DLEC1: variants seen among roughly 807,000 people sequenced by gnomAD.
The protein encoded by DLEC1 is deleted in lung and esophageal cancer protein 1.
In DLEC1, 146 loss-of-function variants were observed where a neutral mutation model predicts 198.1. The ratio of observed to expected loss-of-function variants is 0.74; its 90% CI spans 0.64 to 0.85. DLEC1 has a LOEUF of 0.85. Ranked by LOEUF, DLEC1 falls within the 40% of genes least tolerant of loss-of-function variation. The probability of loss-of-function intolerance (pLI) is 0.00; values close to 1 mark genes in which losing one functional copy is unlikely to be tolerated. For synonymous variants in DLEC1, 897 were observed against 866.8 expected, an observed-to-expected ratio of 1.03 and a Z score of -0.61; for missense variants, 2,233 against 2,220.0, an observed-to-expected ratio of 1.01 and a Z score of -0.12.
chr3:38,098,878 C>T (rs770444134), intron 18 of DLEC1, among the ~76,000 whole-genome samples: 3 of 152,176 alleles, frequency 2.0e-5, no homozygotes, highest in Admixed American at 6.5e-5. Flanking sequence ...TTGCCAACGC[C>T]ATTGCCAAGT....
intron 33 of DLEC1, 60 bp from the exon 34 acceptor site, chr3:38,120,388 T>G: frequency 1.3e-6 from 2 of 1,587,566 alleles, no homozygotes; most frequent in Non-Finnish European, 1.7e-6. Flanking sequence ...GAGCTCCAGG[T>G]GGGGAAGTGG....
chr3:38,098,473 G>C lies in DLEC1; in HGVS notation c.2724+571G>C, dbSNP rs1699146531. Among the ~76,000 whole-genome samples the C allele has an allele frequency of 2.6e-5, 4 of 152,198 alleles. No homozygotes were observed. In the South Asian group the frequency reaches 8.3e-4, roughly 32 times the overall value. On this transcript the variant is annotated intron_variant, in intron 18 of 36. Transcript: ENST00000308059. ...AGTGGGCGATCTGGAACAAGACAAA[G>C]TCACACAAATCACCAGCTACTCGCA... is the stretch of plus-strand genomic sequence containing the variant.
intron 33 of DLEC1, among the ~76,000 whole-genome samples, chr3:38,119,439 C>T (rs572174255): frequency 1.2e-4 from 18 of 152,244 alleles, no homozygotes; most frequent in African/African-American, 3.4e-4. Context: ...CCAAGCCCTG[C>T]GGATGCCCCC....
rs202125600 is a variant in DLEC1, at chr3:38,097,629, G to C, written c.2557G>C (p.Val853Leu). 2.5e-6 allele frequency: 4 copies of C among 1,614,222 alleles called. No homozygotes were observed. Among genetic ancestry groups the C allele is most frequent in the South Asian group, 1.1e-5 (1 of 91,086 alleles). ...GCCAGTGGTGTTACACATTGAGGCT[G>C]TCTTTAAGGTGCTGCAGGTGGAGCT... The part of the protein sequence containing the change: ...PSPVVLHIEA[V>L]FKGPALIINV... Residue 853 changes from valine to leucine, a missense_variant, in exon 17 of 37, where the codon GTC becomes CTC. By Grantham distance (32) the Val-to-Leu change is conservative. Transcript: ENST00000308059.
chr3:38,109,928 C>A, intron 22 of DLEC1, 171 bp from the exon 23 acceptor site: 1 of 763,714 alleles, frequency 1.3e-6, no homozygotes, highest in Non-Finnish European at 2.1e-6. Flanking sequence ...CTCTCAGCAT[C>A]ATGGGTGGGC....
rs1310123131 is a variant in DLEC1, at chr3:38,117,531, A to G, written c.4405A>G (p.Ser1469Gly). The part of the protein sequence containing the change: ...LHSYVRPAQL[S>G]VELDYGGSME... ...ACAATGCCTATTGCTGGGCAGGCTA[A>G]GTGTGGAGCTGGACTACGGCGGCAG... The change falls in exon 32 of 37, where the codon AGT (serine) becomes GGT (glycine). Residue 1469 changes from serine to glycine, a missense_variant. Transcript: ENST00000308059. The G allele has an allele frequency of 1.2e-6, 2 of 1,614,164 alleles. No individual in the cohort carries two copies. The highest frequency in any genetic ancestry group is 1.1e-5 in the South Asian group (1 of 91,088).
At chr3:38,080,275 T>G (rs1337167944) in intron 6 of DLEC1, among the ~76,000 whole-genome samples, 2 of 151,404 alleles carry the variant, frequency 1.3e-5, no homozygotes. Context: ...GATTATAGGG[T>G]GGAGGAGCAG....
Position 38,097,845 on chromosome 3 carries a change from C to G in DLEC1, c.2667C>G (p.Leu889=). The G allele has an allele frequency of 6.2e-7, 1 of 1,614,216 alleles. No homozygotes were observed. Among genetic ancestry groups the G allele is most frequent in the East Asian group, 2.2e-5 (1 of 44,878 alleles). Reference sequence around the variant, plus strand: ...TCCAGATCCGGAACGTCAGCCAGCTCCCAGCCACATGGCGCATGAAGGAGA... The same window carrying G: ...TCCAGATCCGGAACGTCAGCCAGCTGCCAGCCACATGGCGCATGAAGGAGA... ...NSIQIRNVSQ[L]PATWRMKESP... is the part of the protein sequence containing the mutation. Residue 889 remains leucine (L), a synonymous_variant, in exon 18 of 37, where the codon CTC becomes CTG. Coordinates refer to ENST00000308059, the MANE Select transcript of DLEC1 (RefSeq NM_007335.4).
In DLEC1 at chr3:38,089,187, C is replaced by A. The variant is rs148748099; in HGVS notation, c.1665+799C>A. On this transcript the variant is annotated intron_variant, in intron 10 of 36. Coordinates refer to ENST00000308059, the MANE Select transcript of DLEC1 (RefSeq NM_007335.4). The stretch of plus-strand genomic sequence containing the variant: ...GTGCCATATCACCAGGTAGTGAGAT[C>A]CAGCAGCCCTTATTCTTAAACTCAG... 6.0e-3 allele frequency among the ~76,000 whole-genome samples: 907 copies of A among 152,310 alleles called. 12 individuals are homozygous for A. The highest frequency in any genetic ancestry group is 0.024 in the Middle Eastern group (7 of 294).
intron 2 of DLEC1, among the ~76,000 whole-genome samples, chr3:38,046,120 A>G (rs527863302): frequency 6.6e-6 from 1 of 152,356 alleles, no homozygotes; most frequent in East Asian, 1.9e-4. Context: ...AGGATTACAC[A>G]ATGGTTTTGA....
At chr3:38,071,146 T>C (rs539934999) in intron 6 of DLEC1, among the ~76,000 whole-genome samples, 1 of 152,044 alleles carries the variant, frequency 6.6e-6, no homozygotes, top group Non-Finnish European at 1.5e-5. Flanking sequence ...GTGGGGTTGT[T>C]AGAAGAAACA....
Position 38,122,427 on chromosome 3 carries a change from C to T in DLEC1, c.*15C>T, listed in dbSNP as rs745331761. The T allele has an allele frequency of 2.5e-6, 4 of 1,614,160 alleles. No individual in the cohort carries two copies. The South Asian group carries it at 4.4e-5, about 18-fold the overall frequency. On this transcript the variant is annotated 3_prime_UTR_variant, in exon 37 of 37. Coordinates refer to ENST00000308059, the MANE Select transcript of DLEC1 (RefSeq NM_007335.4). ...ACCAGCCCTGAGGCTCCGCCCCAGC[C>T]CTCAGCCCCAGGCCCCAGCTGGAGA...
At chr3:38,081,649 G>A (rs1165727180) in intron 6 of DLEC1, among the ~76,000 whole-genome samples, 12 of 91,028 alleles carry the variant, frequency 1.3e-4, no homozygotes, top group Middle Eastern at 6.1e-3. Context: ...GGACGGGGCG[G>A]CTGGCCGGGT....
At chr3:38,065,713 T>G (rs1364172195) in intron 6 of DLEC1, among the ~76,000 whole-genome samples, 2 of 152,236 alleles carry the variant, frequency 1.3e-5, no homozygotes, top group Non-Finnish European at 2.9e-5. Context: ...GCCATATTAA[T>G]AATGATTCCT....
chr3:38,076,633 G>A (rs1697638744), intron 6 of DLEC1, among the ~76,000 whole-genome samples: 1 of 152,078 alleles, frequency 6.6e-6, no homozygotes, highest in Admixed American at 6.5e-5. Context: ...GGTGGGGCAG[G>A]GCATATTCAC....
chr3:38,085,434 C>G lies in DLEC1; in HGVS notation c.1422C>G (p.Pro474=), dbSNP rs1487218178. The G allele has an allele frequency of 6.2e-7, 1 of 1,613,906 alleles. No individual in the cohort carries two copies. Among genetic ancestry groups the G allele is most frequent in the Admixed American group, 1.7e-5 (1 of 60,016 alleles). The change falls in exon 8 of 37, where the codon CCC becomes CCG. Residue 474 remains proline (P), a synonymous_variant. Coordinates refer to ENST00000308059, the MANE Select transcript of DLEC1 (RefSeq NM_007335.4). ...TCCCCCTGCAGGCCCGGAGGCCGCCCCCCGTGCTGACATGTGAGTGTGCAC... is the reference window on the plus strand; with the variant it reads ...TCCCCCTGCAGGCCCGGAGGCCGCCGCCCGTGCTGACATGTGAGTGTGCAC... The part of the protein sequence containing the change: ...LLIPLQARRP[P]PVLTLSPVLD...
At chr3:38,088,185 C>G in intron 9 of DLEC1, 111 bp from the exon 10 acceptor site, 2 of 932,508 alleles carry the variant, frequency 2.1e-6, no homozygotes, top group South Asian at 3.1e-5. Context: ...CTGGATGATC[C>G]TTAAGTTCCT....
At chr3:38,060,923 G>T (rs908176734) in intron 3 of DLEC1, among the ~76,000 whole-genome samples, 85 of 152,120 alleles carry the variant, frequency 5.6e-4, no homozygotes, top group African/African-American at 1.8e-3. Flanking sequence ...GACCTCAGGT[G>T]ATCCACCCAC....
In DLEC1 at chr3:38,109,483, C is replaced by T. The variant is rs771157146; in HGVS notation, c.3181C>T (p.Pro1061Ser). 3 of 1,614,204 alleles carry T rather than the reference C, an allele frequency of 1.9e-6. No individual in the cohort carries two copies. The highest frequency in any genetic ancestry group is 2.5e-6 in the Non-Finnish European group (3 of 1,180,014). ...LPCHVSGMKK[P>S]LVLGISGKPQ... ...TTGTCACGTGTCAGGCATGAAGAAG[C>T]CACTGGTTCTAGGCATTTCTGGGAA... Residue 1061 changes from proline to serine, a missense_variant, in exon 22 of 37, where the codon CCA becomes TCA. Coordinates refer to ENST00000308059, the MANE Select transcript of DLEC1 (RefSeq NM_007335.4).
Sources: gnomAD v4.1 joint callset for allele counts (sites outside exome capture counted in the v4.1 genomes callset) on GRCh38, gnomAD v4.1.1 for gene constraint, MANE v1.5 for transcripts, NCBI Gene and HGNC (gene_info 2026-07-23, HGNC 2026-07-21) for gene names.